Variants in FARSB observed in about 807,000 individuals in gnomAD.
The protein encoded by FARSB is phenylalanyl-tRNA synthetase subunit beta, also known as phenylalanine--tRNA ligase beta subunit.
Under a neutral mutation model 69.6 loss-of-function variants are expected in FARSB, and 40 were observed. The observed-to-expected ratio is 0.57, with a 90% CI of 0.45 to 0.75. FARSB has a LOEUF of 0.75. Ranked by LOEUF, FARSB falls within the 30% of genes least tolerant of loss-of-function variation. The pLI, the probability that FARSB is intolerant of heterozygous loss-of-function variation, is 0.00. For synonymous variants in FARSB, 235 were observed against 247.2 expected, an observed-to-expected ratio of 0.95 and a Z score of 0.46; for missense variants, 632 against 722.9, an observed-to-expected ratio of 0.87 and a Z score of 1.44.
At chr2:222,593,136 T>C (rs1690321528) in intron 16 of FARSB, among the ~76,000 whole-genome samples, 1 of 152,150 alleles carries the variant, frequency 6.6e-6, no homozygotes, top group South Asian at 2.1e-4. Flanking sequence ...TTCCAAAGTA[T>C]TCATTATGTT....
At chr2:222,590,890 T>C (rs1184828366) in intron 16 of FARSB, among the ~76,000 whole-genome samples, 1 of 152,208 alleles carries the variant, frequency 6.6e-6, no homozygotes, top group Non-Finnish European at 1.5e-5. Context: ...TTTAATTTTT[T>C]ATAATAACAA....
intron 14 of FARSB, 41 bp downstream of exon 14, chr2:222,619,604 C>T (rs1444089523): frequency 1.0e-6 from 1 of 978,248 alleles, no homozygotes; most frequent in Admixed American, 1.8e-5. Flanking sequence ...TGTACTACCT[C>T]TAGGTTTTTA....
chr2:222,635,270 T>C (rs1691551050), intron 5 of FARSB, among the ~76,000 whole-genome samples: 1 of 152,206 alleles, frequency 6.6e-6, no homozygotes, highest in South Asian at 2.1e-4. Context: ...GGACACAAGT[T>C]TGGCTTTCTA....
At chr2:222,630,759 T>C (rs1397065749) in intron 8 of FARSB, among the ~76,000 whole-genome samples, 2 of 152,182 alleles carry the variant, frequency 1.3e-5, no homozygotes, top group African/African-American at 2.4e-5. Context: ...CTCCTATATA[T>C]ACAGGCTTCA....
At chr2:222,603,944 C>T (rs979059519) in intron 15 of FARSB, among the ~76,000 whole-genome samples, 6 of 151,814 alleles carry the variant, frequency 4.0e-5, no homozygotes, top group Admixed American at 2.6e-4. Flanking sequence ...AGGCCAGGCG[C>T]GGTGGCTCAC....
At chr2:222,619,597 A>ACTAC (rs1448488261) in intron 14 of FARSB, 48 bp downstream of exon 14, 2 of 896,430 alleles carry the variant, frequency 2.2e-6, no homozygotes, top group South Asian at 2.7e-5. Context: ...TAACTCATGT[A>ACTAC]CTACCTCTAG....
At chr2:222,635,355 TA>T (rs1691553075) in intron 5 of FARSB, among the ~76,000 whole-genome samples, 1 of 152,248 alleles carries the variant, frequency 6.6e-6, no homozygotes, top group Non-Finnish European at 1.5e-5. Flanking sequence ...GTATGTGCAC[TA>T]AATTAGTTTA....
Position 222,596,311 on chromosome 2 carries a change from T to A in FARSB, c.1618+3617A>T, listed in dbSNP as rs140663564. 5.6e-3 allele frequency among the ~76,000 whole-genome samples: 854 copies of A among 152,284 alleles called. 6 individuals carry two copies. The highest frequency in any genetic ancestry group is 0.019 in the African/African-American group (809 of 41,558). On this transcript the variant is annotated intron_variant, in intron 16 of 16. Transcript: ENST00000281828. ...GATCAATCAGATGAATTTCCAGATT[T>A]CTTATAACGCACGGAGCCAGGTTTC...
At chr2:222,633,079 G>A (rs1199015405) in intron 7 of FARSB, 120 bp downstream of exon 7, 5 of 675,004 alleles carry the variant, frequency 7.4e-6, no homozygotes, top group Non-Finnish European at 1.3e-5. Context: ...CAAAAGACCT[G>A]AGATACTCAG....
chr2:222,640,761 A>C, intron 4 of FARSB, 101 bp downstream of exon 4: 1 of 438,410 alleles, frequency 2.3e-6, no homozygotes, highest in Non-Finnish European at 4.1e-6. Context: ...GTCTCAAAAC[A>C]AAAAAAAAAG....
At chr2:222,584,336 C>G (rs906207096) in intron 16 of FARSB, among the ~76,000 whole-genome samples, 11 of 152,156 alleles carry the variant, frequency 7.2e-5, no homozygotes, top group African/African-American at 2.7e-4. Flanking sequence ...CCATCCAATT[C>G]CCCCCAAAAA....
At position 222,613,876 on chromosome 2, in the gene FARSB, C is replaced by G. The variant is rs374382545; in HGVS notation, c.1397G>C (p.Arg466Pro). The G allele has an allele frequency of 1.4e-5, 22 of 1,613,722 alleles. No individual in the cohort carries two copies. The highest frequency in any genetic ancestry group is 1.9e-5 in the Non-Finnish European group (22 of 1,179,814). The stretch of plus-strand genomic sequence containing the variant: ...CAGTTTCAGTGGAAGGGGCATCTTA[C>G]GATTTGCTGCTATGGTCTTCAGGAG... Reference protein sequence around the residue: ...PGLLKTIAANRKMPLPLKLFE... With the variant: ...PGLLKTIAANPKMPLPLKLFE... The change falls in exon 15 of 17, where the codon CGT (arginine) becomes CCT (proline). Residue 466 changes from arginine (R) to proline (P), a missense_variant. By Grantham distance (103) the Arg-to-Pro change is moderately radical. Coordinates refer to ENST00000281828, the MANE Select transcript of FARSB (RefSeq NM_005687.5).
intron 15 of FARSB, among the ~76,000 whole-genome samples, chr2:222,610,960 C>G (rs1048483118): frequency 3.3e-5 from 5 of 152,168 alleles, no homozygotes; most frequent in African/African-American, 1.2e-4. Flanking sequence ...GCTGCCTCCC[C>G]TGTTGTCCTC....
chr2:222,620,444 T>G (rs372973946), intron 13 of FARSB, among the ~76,000 whole-genome samples: 2 of 152,214 alleles, frequency 1.3e-5, no homozygotes, highest in Admixed American at 1.3e-4. Context: ...ACAAATAAAC[T>G]GCTGAGTACC....
chr2:222,638,736 G>A (rs966128809), intron 5 of FARSB, among the ~76,000 whole-genome samples: 1 of 152,064 alleles, frequency 6.6e-6, no homozygotes, highest in Non-Finnish European at 1.5e-5. Context: ...ACAATTATTA[G>A]CAAATAGCTG....
chr2:222,583,810 T>C (rs138614747), intron 16 of FARSB, among the ~76,000 whole-genome samples: 183 of 152,314 alleles, frequency 1.2e-3, no homozygotes, highest in African/African-American at 4.2e-3. Flanking sequence ...TCACAAGATC[T>C]GATGGTTTTT....
In FARSB at chr2:222,648,790, C is replaced by T. The variant is rs774121599; in HGVS notation, c.64G>A (p.Glu22Lys). 1.2e-6 allele frequency: 2 copies of T among 1,600,298 alleles called. No homozygotes were observed. The highest frequency in any genetic ancestry group is 8.6e-7 in the Non-Finnish European group (1 of 1,167,490). Residue 22 changes from glutamate to lysine, a missense_variant, in exon 2 of 17, where the codon GAA (glutamate) becomes AAA (lysine). Coordinates refer to ENST00000281828, the MANE Select transcript of FARSB (RefSeq NM_005687.5). ...FQALGRTYTD[E>K]EFDELCFEFG... The stretch of plus-strand genomic sequence containing the variant: ...TCAAAACATAGTTCATCAAATTCTT[C>T]GTCAGCTAGGAAAATAAAAAAGGAG...
chr2:222,634,657 T>A, intron 5 of FARSB, 116 bp from the exon 6 acceptor site: 4 of 690,464 alleles, frequency 5.8e-6, no homozygotes, highest in Middle Eastern at 2.6e-4. Context: ...GACTACATAT[T>A]TTTTTTAATT....
At chr2:222,626,243 C>CAAAAAAA (rs36117232) in intron 10 of FARSB, among the ~76,000 whole-genome samples, 11 of 56,910 alleles carry the variant, frequency 1.9e-4, no homozygotes, top group East Asian at 5.7e-4. Context: ...GACTCCATCT[C>CAAAAAAA]AAAAAAAAAA....
Sources: gnomAD v4.1 joint callset for allele counts (sites outside exome capture counted in the v4.1 genomes callset) on GRCh38, gnomAD v4.1.1 for gene constraint, MANE v1.5 for transcripts, NCBI Gene and HGNC (gene_info 2026-07-23, HGNC 2026-07-21) for gene names.